Variants in NKAIN3 observed in about 807,000 individuals in gnomAD.
NKAIN3 encodes sodium/potassium transporting ATPase interacting 3, also known as sodium/potassium-transporting ATPase subunit beta-1-interacting protein 3.
NKAIN3 carries 25 observed loss-of-function variants against 30.2 expected under a neutral mutation model. The observed-to-expected ratio is 0.83, with a 90% CI of 0.60 to 1.16. NKAIN3 has a LOEUF of 1.16. Among genes scored for constraint, NKAIN3 ranks in the 50% most tolerant of loss-of-function variants. The pLI is 0.00. For synonymous variants in NKAIN3, 91 were observed against 89.6 expected, an observed-to-expected ratio of 1.02 and a Z score of -0.09; for missense variants, 225 against 254.1, an observed-to-expected ratio of 0.89 and a Z score of 0.78.
At chr8:62,334,383 C>T (rs757587906) in intron 1 of NKAIN3, among the ~76,000 whole-genome samples, 1 of 152,058 alleles carries the variant, frequency 6.6e-6, no homozygotes, top group Non-Finnish European at 1.5e-5. Flanking sequence ...CCAATCTCTA[C>T]CTCTATCTTT....
intron 4 of NKAIN3, among the ~76,000 whole-genome samples, chr8:62,876,726 C>T (rs1459531535): frequency 2.6e-5 from 4 of 152,208 alleles, no homozygotes; most frequent in African/African-American, 9.6e-5. Flanking sequence ...GAAAACCAAA[C>T]ACCCCATGTT....
intron 4 of NKAIN3, among the ~76,000 whole-genome samples, chr8:62,819,349 C>T (rs1214518371): frequency 6.6e-6 from 1 of 151,788 alleles, no homozygotes; most frequent in Non-Finnish European, 1.5e-5. Flanking sequence ...GTGACTAAAT[C>T]TTGAACTTGG....
At chr8:62,856,934 A>G in intron 4 of NKAIN3, 1 of 573,492 alleles carries the variant, frequency 1.7e-6, no homozygotes, top group Middle Eastern at 3.1e-4. Context: ...TTACTCTGAG[A>G]TTCAAACATA....
intron 4 of NKAIN3, among the ~76,000 whole-genome samples, chr8:62,780,463 C>T (rs1464999017): frequency 6.6e-6 from 1 of 151,964 alleles, no homozygotes; most frequent in Non-Finnish European, 1.5e-5. Flanking sequence ...TAATACCAAA[C>T]CCAGACAAGG....
intron 3 of NKAIN3, among the ~76,000 whole-genome samples, chr8:62,660,698 G>T (rs768322490): frequency 6.6e-6 from 1 of 152,270 alleles, no homozygotes; most frequent in Non-Finnish European, 1.5e-5. Flanking sequence ...AAGATTCAGG[G>T]TCTTAACCCA....
intron 1 of NKAIN3, among the ~76,000 whole-genome samples, chr8:62,503,818 C>T (rs554654918): frequency 3.9e-5 from 6 of 152,186 alleles, no homozygotes; most frequent in East Asian, 1.9e-4. Context: ...TCCCTAAAAT[C>T]GCTGTTATTC....
At chr8:62,579,739 A>G in intron 2 of NKAIN3, 63 bp downstream of exon 2, 1 of 995,666 alleles carries the variant, frequency 1.0e-6, no homozygotes, top group Non-Finnish European at 1.3e-6. Context: ...AAGAATATAA[A>G]TAAAATATTT....
In NKAIN3 at chr8:62,332,222, T is replaced by A. The variant is rs188711062; in HGVS notation, c.54+83095T>A. Among the ~76,000 whole-genome samples, 44 of 152,246 alleles carry A rather than the reference T, an allele frequency of 2.9e-4. No homozygotes were observed. In the East Asian group the frequency reaches 2.9e-3, roughly 10 times the overall value. On this transcript the variant is annotated intron_variant, in intron 1 of 6. Transcript: ENST00000623646. The stretch of plus-strand genomic sequence containing the variant: ...AACCTCTTGTTTCTGCTTAACGGAC[T>A]TCGTTAAAGGTCAGTGAGAATGTTT...
intron 1 of NKAIN3, among the ~76,000 whole-genome samples, chr8:62,415,692 A>G (rs1372576760): frequency 6.6e-6 from 1 of 151,392 alleles, no homozygotes; most frequent in Non-Finnish European, 1.5e-5. Flanking sequence ...TATAAACTAT[A>G]GAAACTACTT....
At chr8:62,429,663 C>T (rs369561062) in intron 1 of NKAIN3, among the ~76,000 whole-genome samples, 1 of 151,680 alleles carries the variant, frequency 6.6e-6, no homozygotes, top group African/African-American at 2.4e-5. Flanking sequence ...TAGTATTATT[C>T]GAGGATCTAC....
intron 4 of NKAIN3, among the ~76,000 whole-genome samples, chr8:62,909,666 A>T (rs1035432246): frequency 1.3e-5 from 2 of 151,562 alleles, no homozygotes; most frequent in Admixed American, 1.3e-4. Context: ...GGGCAACATT[A>T]TTAATTAAGC....
At chr8:62,737,799 C>T (rs1815722620) in intron 3 of NKAIN3, among the ~76,000 whole-genome samples, 1 of 152,114 alleles carries the variant, frequency 6.6e-6, no homozygotes, top group Non-Finnish European at 1.5e-5. Context: ...TCATCAACCC[C>T]CTTCAATTAG....
At chr8:62,306,673 G>A (rs777129194) in intron 1 of NKAIN3, among the ~76,000 whole-genome samples, 4 of 149,362 alleles carry the variant, frequency 2.7e-5, no homozygotes, top group Non-Finnish European at 2.9e-5. Flanking sequence ...TCAAATTTTG[G>A]CAGTGATCAT....
chr8:62,583,649 T>C (rs541285465), intron 2 of NKAIN3, among the ~76,000 whole-genome samples: 3 of 152,298 alleles, frequency 2.0e-5, no homozygotes, highest in Admixed American at 6.5e-5. Flanking sequence ...TGTACTGGCC[T>C]GTGATTGTTA....
Position 62,511,968 on chromosome 8 carries a change from A to C in NKAIN3, c.55-67571A>C, listed in dbSNP as rs139164979. ...TGATTAATATCTGTTTCCCTCTCTA[A>C]ATAGTCATCTCTGTAAGAGCAGCAG... On this transcript the variant is annotated intron_variant, in intron 1 of 6. Coordinates refer to ENST00000623646, the MANE Select transcript of NKAIN3 (RefSeq NM_001304533.3). 5.8e-3 allele frequency among the ~76,000 whole-genome samples: 890 copies of C among 152,184 alleles called. 6 individuals are homozygous for C. Among genetic ancestry groups the C allele is most frequent in the African/African-American group, 0.02 (832 of 41,522 alleles).
intron 3 of NKAIN3, among the ~76,000 whole-genome samples, chr8:62,745,319 G>C (rs1308794821): frequency 1.3e-5 from 2 of 152,202 alleles, no homozygotes; most frequent in African/African-American, 4.8e-5. Flanking sequence ...CTCAGCAAAA[G>C]TCACGTACGG....
At chr8:62,908,608 A>T (rs894828977) in intron 4 of NKAIN3, among the ~76,000 whole-genome samples, 1 of 152,072 alleles carries the variant, frequency 6.6e-6, no homozygotes, top group African/African-American at 2.4e-5. Flanking sequence ...AATAAGTCTC[A>T]CAATATCTGA....
chr8:62,644,634 A>G (rs1812402496), intron 3 of NKAIN3, among the ~76,000 whole-genome samples: 1 of 152,128 alleles, frequency 6.6e-6, no homozygotes, highest in Non-Finnish European at 1.5e-5. Context: ...ACAACTATAG[A>G]TTGGTTAGCT....
chr8:62,520,233 C>T (rs10156309), intron 1 of NKAIN3, among the ~76,000 whole-genome samples: 6,801 of 152,182 alleles, frequency 0.045, 221 homozygotes, highest in Non-Finnish European at 0.069. Context: ...GTTCTGACTT[C>T]GTTCTTTTCC....
Sources: gnomAD v4.1 joint callset for allele counts (sites outside exome capture counted in the v4.1 genomes callset) on GRCh38, gnomAD v4.1.1 for gene constraint, MANE v1.5 for transcripts, NCBI Gene and HGNC (gene_info 2026-07-23, HGNC 2026-07-21) for gene names.